Variants in NTM observed in about 807,000 individuals in gnomAD.
NTM encodes the protein neurotrimin.
In NTM, 13 loss-of-function variants were observed where a neutral mutation model predicts 42.1. The observed-to-expected ratio is 0.31, with a 90% confidence interval of 0.20 to 0.49. The LOEUF is 0.49. Ranked by LOEUF, NTM falls within the 20% of genes least tolerant of loss-of-function variation. NTM has a pLI of 0.99. For synonymous variants in NTM, 187 were observed against 179.2 expected (o/e 1.04, Z -0.35); for missense variants, 373 against 452.8 (o/e 0.82, Z 1.60).
chr11:132,181,070 A>G (rs2077508582), intron 3 of NTM, among the ~76,000 whole-genome samples: 1 of 152,154 alleles, frequency 6.6e-6, no homozygotes, highest in African/African-American at 2.4e-5. Flanking sequence ...CTATTGCCAA[A>G]TCTCATGGCA....
At chr11:132,006,874 G>A (rs370094414) in intron 2 of NTM, among the ~76,000 whole-genome samples, 10 of 152,374 alleles carry the variant, frequency 6.6e-5, no homozygotes, top group African/African-American at 2.2e-4. Flanking sequence ...AGCACTTCCT[G>A]TGGTAGGATT....
intron 1 of NTM, among the ~76,000 whole-genome samples, chr11:131,650,634 A>G (rs974291981): frequency 2.0e-5 from 3 of 152,222 alleles, no homozygotes; most frequent in African/African-American, 7.2e-5. Flanking sequence ...AGCCATCATC[A>G]TCATCACCAT....
intron 1 of NTM, among the ~76,000 whole-genome samples, chr11:131,680,723 G>GGGTC (rs1565415146): frequency 2.5e-4 from 33 of 133,016 alleles, no homozygotes; most frequent in African/African-American, 8.2e-4. Context: ...GTGTGCATAT[G>GGGTC]TTTGCATAGG....
intron 2 of NTM, among the ~76,000 whole-genome samples, chr11:131,916,890 G>A (rs1307472973): frequency 1.3e-5 from 2 of 152,174 alleles, no homozygotes; most frequent in Non-Finnish European, 2.9e-5. Context: ...GGTCCGCCCT[G>A]CTGGGAACAC....
intron 1 of NTM, among the ~76,000 whole-genome samples, chr11:131,711,458 A>T (rs999935151): frequency 6.6e-6 from 1 of 152,198 alleles, no homozygotes; most frequent in African/African-American, 2.4e-5. Flanking sequence ...TTAGAATGGC[A>T]ATCATTAAAA....
At chr11:132,187,323 C>G (rs1423111647) in intron 3 of NTM, among the ~76,000 whole-genome samples, 35 of 152,020 alleles carry the variant, frequency 2.3e-4, no homozygotes, top group Admixed American at 2.2e-3. Context: ...AACACCATAT[C>G]TGGCTTCTCT....
At chr11:131,574,419 T>C (rs1592096225) in intron 1 of NTM, among the ~76,000 whole-genome samples, 1 of 152,096 alleles carries the variant, frequency 6.6e-6, no homozygotes, top group Non-Finnish European at 1.5e-5. Flanking sequence ...GAGGCATAAA[T>C]TGAGACCCAG....
chr11:131,553,162 G>C (rs1239079157), intron 1 of NTM, among the ~76,000 whole-genome samples: 1 of 152,112 alleles, frequency 6.6e-6, no homozygotes, highest in Non-Finnish European at 1.5e-5. Flanking sequence ...ATGTTTGATG[G>C]GGAAGGGGCA....
intron 1 of NTM, among the ~76,000 whole-genome samples, chr11:131,381,510 C>T (rs1197730644): frequency 6.6e-6 from 1 of 152,162 alleles, no homozygotes; most frequent in Non-Finnish European, 1.5e-5. Context: ...ATGAAAACTT[C>T]CTAATAAAAG....
rs2050775667 is a variant in NTM, at chr11:131,528,256, T to A, written c.82+157368T>A. 2.0e-5 allele frequency among the ~76,000 whole-genome samples: 3 copies of A among 152,200 alleles called. No homozygotes were observed. The South Asian group carries it at 6.2e-4, about 31-fold the overall frequency. ...AATATGCCTTCCCTCTTCAATAGAA[T>A]TCATGTAAGTTTCCTGAGGATTGGC... On this transcript the variant is annotated intron_variant, in intron 1 of 8. Coordinates refer to ENST00000683400, the MANE Select transcript of NTM (RefSeq NM_001352005.2).
At chr11:132,109,841 G>A (rs1268382086) in intron 2 of NTM, among the ~76,000 whole-genome samples, 2 of 152,148 alleles carry the variant, frequency 1.3e-5, no homozygotes, top group East Asian at 3.9e-4. Flanking sequence ...TCATTCTTGT[G>A]CCTTTGGCAT....
intron 1 of NTM, among the ~76,000 whole-genome samples, chr11:131,426,029 G>A (rs1948103578): frequency 6.6e-6 from 1 of 152,132 alleles, no homozygotes; most frequent in South Asian, 2.1e-4. Flanking sequence ...CTTTCTGGAG[G>A]TGGTGACCAA....
chr11:131,955,846 A>G (rs1446290139), intron 2 of NTM, among the ~76,000 whole-genome samples: 1 of 152,222 alleles, frequency 6.6e-6, no homozygotes, highest in Non-Finnish European at 1.5e-5. Context: ...TTGACTTTTA[A>G]AAATAGCAGC....
At chr11:131,620,078 T>C (rs142381270) in intron 1 of NTM, among the ~76,000 whole-genome samples, 3,258 of 152,236 alleles carry the variant, frequency 0.021, 55 homozygotes, top group Non-Finnish European at 0.037. Flanking sequence ...GTTGGGATTA[T>C]AGGCATGAGC....
chr11:132,039,594 G>C (rs1213214269), intron 2 of NTM, among the ~76,000 whole-genome samples: 2 of 152,092 alleles, frequency 1.3e-5, no homozygotes, highest in Non-Finnish European at 2.9e-5. Flanking sequence ...GCCAGGAAGA[G>C]GAGTGGAGAA....
intron 1 of NTM, among the ~76,000 whole-genome samples, chr11:131,789,934 C>G (rs1201243542): frequency 5.3e-5 from 6 of 114,020 alleles, no homozygotes; most frequent in East Asian, 2.7e-4. Context: ...CCAGCCTGGG[C>G]GACAGAGCGA....
At chr11:132,069,508 G>A (rs373987004) in intron 2 of NTM, among the ~76,000 whole-genome samples, 3 of 128,770 alleles carry the variant, frequency 2.3e-5, no homozygotes, top group Non-Finnish European at 5.0e-5. Context: ...AAGTTAACAC[G>A]TCACACTGAC....
intron 1 of NTM, among the ~76,000 whole-genome samples, chr11:131,784,757 C>T (rs960044050): frequency 9.9e-5 from 15 of 152,174 alleles, no homozygotes; most frequent in African/African-American, 2.2e-4. Context: ...CATTTTATCA[C>T]GTGCAAAATA....
chr11:131,667,571 A>T (rs1478441166), intron 1 of NTM, among the ~76,000 whole-genome samples: 4 of 152,312 alleles, frequency 2.6e-5, no homozygotes, highest in African/African-American at 9.6e-5. Flanking sequence ...AGCTTCCCAG[A>T]ACCTGGAACC....
Sources: allele counts gnomAD v4.1 joint callset (sites outside exome capture counted in the v4.1 genomes callset), GRCh38; gene constraint gnomAD v4.1.1; transcripts MANE v1.5; gene names NCBI Gene and HGNC (gene_info 2026-07-23, HGNC 2026-07-21).